Variants in NFAT5 observed in about 807,000 individuals in gnomAD.
NFAT5 encodes nuclear factor of activated T-cells 5.
A neutral mutation model predicts 166.5 loss-of-function variants in NFAT5; 31 were observed. That is an observed-to-expected ratio of 0.19 (90% CI 0.14 to 0.25). The LOEUF is 0.25. NFAT5 is among the 10% of genes least tolerant of loss of function. NFAT5 has a pLI of 1.00. For missense variants in NFAT5, 1,449 were observed against 1,821.8 expected, an observed-to-expected ratio of 0.80 and a Z score of 3.72; for synonymous variants, 612 against 639.7, an observed-to-expected ratio of 0.96 and a Z score of 0.65.
chr16:69,681,527 G>A (rs1435499754), intron 10 of NFAT5, among the ~76,000 whole-genome samples: 1 of 152,120 alleles, frequency 6.6e-6, no homozygotes, highest in African/African-American at 2.4e-5. Context: ...GCCACTTTTT[G>A]GCTCCATCCT....
chr16:69,587,770 A>G (rs1035874066), intron 2 of NFAT5, among the ~76,000 whole-genome samples: 1 of 152,100 alleles, frequency 6.6e-6, no homozygotes, highest in African/African-American at 2.4e-5. Context: ...ACAGCTGACA[A>G]TTTATTTGAG....
intron 7 of NFAT5, among the ~76,000 whole-genome samples, chr16:69,668,028 G>T (rs7200420): frequency 1.5e-3 from 226 of 152,006 alleles, no homozygotes; most frequent in Middle Eastern, 3.4e-3. Context: ...GTGCAGTGGC[G>T]TGATCTCGGG....
At chr16:69,676,985 G>C (rs1397682720) in intron 9 of NFAT5, 4 of 464,344 alleles carry the variant, frequency 8.6e-6, no homozygotes, top group Non-Finnish European at 1.5e-5. Context: ...ACAGGGCAGG[G>C]ATCTTGACCT....
rs2016085539 is a variant in NFAT5, at chr16:69,566,895, C to T, written c.73+521C>T. On this transcript the variant is annotated intron_variant, in intron 1 of 14. Coordinates refer to ENST00000349945, the MANE Select transcript of NFAT5 (RefSeq NM_138713.4). The surrounding 1 kb of genome is among the most constrained non-coding windows in gnomAD (Gnocchi z 5.7). ...AGCTTGTTTTTGCGCCGTCGTTCCA[C>T]CCCCTCTCCCTCCGGCCTAGTCCAC... 6.6e-6 allele frequency among the ~76,000 whole-genome samples: 1 copy of T among 152,198 alleles called. No individual in the cohort carries two copies. The highest frequency in any genetic ancestry group is 1.5e-5 in the Non-Finnish European group (1 of 68,026).
rs369235958 is a variant in NFAT5, at chr16:69,692,516, ACAGCAGCAG to A, written c.2703_2711del (p.Gln904_Gln906del). 5.6e-6 allele frequency: 9 copies of A among 1,610,164 alleles called. No homozygotes were observed. In the East Asian group the frequency reaches 1.6e-4, roughly 28 times the overall value. ...AGTCTGAAAACACGTTATCTAATCA[ACAGCAGCAG>A]CAGCAGCAGCAACAGCAAGTGATGG... On this transcript the variant is annotated inframe_deletion, in exon 13 of 15. Transcript: ENST00000349945.
chr16:69,649,760 G>A (rs928956661), intron 4 of NFAT5, among the ~76,000 whole-genome samples: 5 of 151,808 alleles, frequency 3.3e-5, no homozygotes, highest in Non-Finnish European at 5.9e-5. Flanking sequence ...ATCTTAAAAT[G>A]TTTTGAGAGA....
rs994684903 is a variant in NFAT5, at chr16:69,647,718, T to C, written c.812+132T>C. 1.3e-6 allele frequency: 1 copy of C among 769,854 alleles called. No homozygotes were observed. 47.7% of individuals were successfully genotyped at this position (769,854 alleles called of 1,614,324 possible). A position where few individuals can be genotyped will look rare whatever the true frequency, so the allele number is the denominator to read the frequency against. On this transcript the variant is annotated intron_variant, in intron 4 of 14. Transcript: ENST00000349945. This position sits in a 1 kb window ranked among gnomAD's most constrained non-coding sequence, Gnocchi z 4.8. ...AACAGTGCTAATTTTATCATTGAAA[T>C]ACATGAAAATTTTAACTTAAAATTA...
At chr16:69,689,977 C>T (rs1454550459) in intron 11 of NFAT5, among the ~76,000 whole-genome samples, 2 of 152,208 alleles carry the variant, frequency 1.3e-5, no homozygotes, top group Non-Finnish European at 2.9e-5. Flanking sequence ...AGAAATTTAA[C>T]AGCTATGCTT....
At chr16:69,587,103 G>T (rs1456657527) in intron 2 of NFAT5, among the ~76,000 whole-genome samples, 2 of 151,904 alleles carry the variant, frequency 1.3e-5, no homozygotes, top group African/African-American at 4.8e-5. Context: ...TTTTTTTTGA[G>T]ACAAAGTCTC....
chr16:69,653,924 G>A (rs2035779238), intron 5 of NFAT5, among the ~76,000 whole-genome samples: 1 of 151,906 alleles, frequency 6.6e-6, no homozygotes, highest in Non-Finnish European at 1.5e-5. Flanking sequence ...CAAGACTATT[G>A]GACTGAGAAA....
At position 69,653,528 on chromosome 16, in the gene NFAT5, C is replaced by T. The variant is rs2035758233; in HGVS notation, c.1005+100C>T. The T allele has an allele frequency of 4.0e-6, 3 of 753,284 alleles. No homozygotes were observed. The Admixed American group carries it at 1.2e-4, about 29-fold the overall frequency. 46.7% of individuals were successfully genotyped at this position (753,284 alleles called of 1,614,324 possible). On this transcript the variant is annotated intron_variant, in intron 5 of 14. Coordinates refer to ENST00000349945, the MANE Select transcript of NFAT5 (RefSeq NM_138713.4). ...TATTTTCAAATCATGAATTTTCTTC[C>T]CTCATATTTGATATTTGAATTAGAT...
At chr16:69,636,077 T>C in intron 3 of NFAT5, among the ~76,000 whole-genome samples, 1 of 152,178 alleles carries the variant, frequency 6.6e-6, no homozygotes, top group Non-Finnish European at 1.5e-5. Flanking sequence ...TAAATACAGC[T>C]GTTCCAAATG....
intron 10 of NFAT5, among the ~76,000 whole-genome samples, chr16:69,678,548 G>T (rs2036927807): frequency 6.6e-6 from 1 of 152,148 alleles, no homozygotes. Flanking sequence ...ACCTATTTAT[G>T]AAGTGTCTCA....
rs951231678 is a variant in NFAT5, at chr16:69,566,824, C to T, written c.73+450C>T. ...AGTTGCCCCCAAGCGGGCGGCGTGGCCTGGAGCCGGTTCTGAGTGCAGGGT... is the reference window on the plus strand; with the variant it reads ...AGTTGCCCCCAAGCGGGCGGCGTGGTCTGGAGCCGGTTCTGAGTGCAGGGT... On this transcript the variant is annotated intron_variant, in intron 1 of 14. Coordinates refer to ENST00000349945, the MANE Select transcript of NFAT5 (RefSeq NM_138713.4). The surrounding 1 kb of genome is among the most constrained non-coding windows in gnomAD (Gnocchi z 5.7). 6.6e-6 allele frequency among the ~76,000 whole-genome samples: 1 copy of T among 152,168 alleles called. No individual in the cohort carries two copies. The highest frequency in any genetic ancestry group is 1.5e-5 in the Non-Finnish European group (1 of 68,022).
At position 69,693,898 on chromosome 16, in the gene NFAT5, G is replaced by T; in HGVS notation, c.4073G>T (p.Gly1358Val). Reference protein sequence around the residue: ...QSTVSSLQNPGPTQSESSQTP... With the variant: ...QSTVSSLQNPVPTQSESSQTP... ...ACAGTTTCCTCACTTCAGAACCCAGGTCCTACCCAGTCGGAATCATCACAG... is the reference window on the plus strand; with the variant it reads ...ACAGTTTCCTCACTTCAGAACCCAGTTCCTACCCAGTCGGAATCATCACAG... Residue 1358 changes from glycine (G) to valine (V), a missense_variant, in exon 13 of 15, where the codon GGT becomes GTT. Gly to Val is a moderately radical substitution (Grantham distance 109, BLOSUM62 -3). Coordinates refer to ENST00000349945, the MANE Select transcript of NFAT5 (RefSeq NM_138713.4). 6.2e-7 allele frequency: 1 copy of T among 1,614,150 alleles called. No individual in the cohort carries two copies. The highest frequency in any genetic ancestry group is 8.5e-7 in the Non-Finnish European group (1 of 1,180,036).
chr16:69,643,027 G>C (rs1316684012), intron 3 of NFAT5, among the ~76,000 whole-genome samples: 1 of 151,782 alleles, frequency 6.6e-6, no homozygotes, highest in African/African-American at 2.4e-5. Context: ...AGACCACCCT[G>C]GCCAACATGA....
chr16:69,638,633 G>A (rs1323635656), intron 3 of NFAT5, among the ~76,000 whole-genome samples: 3 of 151,778 alleles, frequency 2.0e-5, no homozygotes, highest in African/African-American at 4.8e-5. Context: ...CGACTCGGGA[G>A]GCTGAGGCAG....
rs764631262 is a variant in NFAT5, at chr16:69,647,227, A to G, written c.453A>G (p.Pro151=). The change falls in exon 4 of 15, where the codon CCA becomes CCG. Residue 151 remains proline, a synonymous_variant. Coordinates refer to ENST00000349945, the MANE Select transcript of NFAT5 (RefSeq NM_138713.4). The surrounding 1 kb of genome is among the most constrained non-coding windows in gnomAD (Gnocchi z 4.8). ...CCAGTAACACAGTTCAGCAGCATCC[A>G]TCAACACCGAAGAGGCACACAGTCT... The part of the protein sequence containing the change: ...QLTSNTVQQH[P]STPKRHTVLY... 1.1e-5 allele frequency: 18 copies of G among 1,614,020 alleles called. No homozygotes were observed. The highest frequency in any genetic ancestry group is 1.1e-4 in the East Asian group (5 of 44,898).
intron 7 of NFAT5, among the ~76,000 whole-genome samples, chr16:69,661,106 T>C (rs1284795659): frequency 5.6e-5 from 8 of 142,442 alleles, no homozygotes; most frequent in Non-Finnish European, 7.6e-5. Flanking sequence ...TTTTGTTAGA[T>C]TGTGGCTCAT....
Sources: gnomAD v4.1 joint callset for allele counts (sites outside exome capture counted in the v4.1 genomes callset) on GRCh38, gnomAD v4.1.1 for gene constraint, Gnocchi (gnomAD v3.1) non-coding constraint, MANE v1.5 for transcripts, NCBI Gene and HGNC (gene_info 2026-07-23, HGNC 2026-07-21) for gene names.